The following LINGO2 variants were observed in gnomAD, a reference collection of about 807,000 sequenced individuals.
The protein encoded by LINGO2 is leucine rich repeat and Ig domain containing 2.
A neutral mutation model predicts 30.6 loss-of-function variants in LINGO2; 14 were observed. The observed-to-expected ratio is 0.46, with a 90% confidence interval of 0.30 to 0.72. LINGO2 has a LOEUF of 0.72. LINGO2 is among the 30% of genes least tolerant of loss of function. LINGO2 has a pLI of 0.07. For missense variants in LINGO2, 729 were observed against 751.7 expected (o/e 0.97, Z 0.35); for synonymous variants, 317 against 288.5 (o/e 1.10, Z -1.00).
intron 5 of LINGO2, among the ~76,000 whole-genome samples, chr9:28,009,503 A>G (rs10738788): frequency 0.69 from 105,230 of 151,880 alleles, 37,355 homozygotes; most frequent in Admixed American, 0.8. Context: ...AAGACTATAT[A>G]TAGAACTTTT....
chr9:28,609,941 T>C (rs1825847031), intron 1 of LINGO2, among the ~76,000 whole-genome samples: 1 of 152,154 alleles, frequency 6.6e-6, no homozygotes. Context: ...CTACTTGTCA[T>C]TGAAAGACAT....
At chr9:29,120,953 A>C in the LINGO2 span, among the ~76,000 whole-genome samples, 1 of 152,290 alleles carries the variant, frequency 6.6e-6, no homozygotes, top group African/African-American at 2.4e-5. Context: ...AATATAACTA[A>C]ATCTTGACTA....
intron 2 of LINGO2, among the ~76,000 whole-genome samples, chr9:28,380,989 C>T (rs1330383364): frequency 3.3e-5 from 5 of 152,022 alleles, no homozygotes; most frequent in Admixed American, 6.6e-5. Context: ...AGGTCAGGAG[C>T]TTCCTCTACA....
intron 4 of LINGO2, among the ~76,000 whole-genome samples, chr9:28,037,968 G>A (rs1243910407): frequency 6.6e-6 from 1 of 152,174 alleles, no homozygotes; most frequent in Non-Finnish European, 1.5e-5. Flanking sequence ...GGCATAAAGA[G>A]GTTAAGTAAT....
intron 1 of LINGO2, among the ~76,000 whole-genome samples, chr9:28,660,988 T>C (rs917631874): frequency 6.6e-6 from 1 of 151,996 alleles, no homozygotes; most frequent in South Asian, 2.1e-4. Context: ...CTCTGCCAGG[T>C]AGTTAAATGT....
At chr9:28,001,994 G>A (rs530295400) in intron 5 of LINGO2, among the ~76,000 whole-genome samples, 1 of 152,330 alleles carries the variant, frequency 6.6e-6, no homozygotes, top group South Asian at 2.1e-4. Flanking sequence ...TGACAATCAA[G>A]TTCATAAAAG....
intron 4 of LINGO2, among the ~76,000 whole-genome samples, chr9:28,134,635 A>C (rs983842367): frequency 6.6e-6 from 1 of 152,208 alleles, no homozygotes; most frequent in Non-Finnish European, 1.5e-5. Context: ...TGAAATGTGA[A>C]AGTTAAAGCT....
rs1839962 is a variant in LINGO2, at chr9:28,148,026, A to G, written c.-86-135621T>C. ...AGCATATTTTGTTCCTGGTTCCGCC[A>G]CAGGTCCTGGCCATGCCATTGGCAA... On this transcript the variant is annotated intron_variant, in intron 4 of 5. Transcript: ENST00000379992. The surrounding 1 kb of genome is among the most constrained non-coding windows in gnomAD (Gnocchi z 5.1). Among the ~76,000 whole-genome samples, 151,007 of 152,258 alleles carry G rather than the reference A, an allele frequency of 0.99. 74,901 individuals are homozygous for G. Among genetic ancestry groups the G allele is most frequent in the Middle Eastern group, 1 (294 of 294 alleles).
intron 4 of LINGO2, among the ~76,000 whole-genome samples, chr9:28,182,715 T>C (rs909886605): frequency 3.9e-5 from 6 of 152,200 alleles, no homozygotes; most frequent in Admixed American, 3.9e-4. Context: ...AAGCTCAACA[T>C]TGCTGGTCAT....
chr9:28,905,278 C>CAAAAAAAAAAAAA, the LINGO2 span, among the ~76,000 whole-genome samples: 1 of 131,004 alleles, frequency 7.6e-6, no homozygotes, highest in Non-Finnish European at 1.6e-5. Flanking sequence ...ACAACAAAAG[C>CAAAAAAAAAAAAA]AAAAAAAAAA....
intron 4 of LINGO2, among the ~76,000 whole-genome samples, chr9:28,197,506 T>C (rs1324264557): frequency 6.6e-6 from 1 of 151,942 alleles, no homozygotes; most frequent in East Asian, 1.9e-4. Flanking sequence ...TAATAGTCAT[T>C]AGTAATTGGG....
the LINGO2 span, among the ~76,000 whole-genome samples, chr9:28,887,206 G>A: frequency 2.0e-5 from 3 of 152,124 alleles, no homozygotes; most frequent in Admixed American, 6.6e-5. Context: ...CAATAGAGAT[G>A]TCTGCTGAGT....
the LINGO2 span, among the ~76,000 whole-genome samples, chr9:28,960,065 G>C: frequency 6.6e-6 from 1 of 152,102 alleles, no homozygotes; most frequent in African/African-American, 2.4e-5. Context: ...AGACTCAAAA[G>C]TAACAAATGT....
At chr9:28,391,787 T>C (rs1821844778) in intron 2 of LINGO2, among the ~76,000 whole-genome samples, 1 of 152,212 alleles carries the variant, frequency 6.6e-6, no homozygotes, top group South Asian at 2.1e-4. Context: ...ATACCTAATT[T>C]ATTTATACAA....
chr9:28,464,712 T>C (rs559712596), intron 2 of LINGO2, among the ~76,000 whole-genome samples: 1 of 152,342 alleles, frequency 6.6e-6, no homozygotes, highest in South Asian at 2.1e-4. Context: ...ATCGGCTTTT[T>C]ATTTTAGAGT....
intron 3 of LINGO2, among the ~76,000 whole-genome samples, chr9:28,315,829 A>C (rs1433850691): frequency 6.6e-6 from 1 of 152,238 alleles, no homozygotes; most frequent in Non-Finnish European, 1.5e-5. Flanking sequence ...AAAACTATGA[A>C]TATGACATTC....
At chr9:28,892,536 A>C in the LINGO2 span, among the ~76,000 whole-genome samples, 14 of 151,966 alleles carry the variant, frequency 9.2e-5, no homozygotes, top group Non-Finnish European at 1.8e-4. Flanking sequence ...ACCAACAAAA[A>C]CTATATACAC....
chr9:28,182,858 G>A (rs1399530003), intron 4 of LINGO2, among the ~76,000 whole-genome samples: 1 of 152,194 alleles, frequency 6.6e-6, no homozygotes, highest in Non-Finnish European at 1.5e-5. Flanking sequence ...CACTGTTGGT[G>A]GGAGTGTAAA....
At chr9:28,779,134 T>C in the LINGO2 span, among the ~76,000 whole-genome samples, 1 of 152,198 alleles carries the variant, frequency 6.6e-6, no homozygotes, top group South Asian at 2.1e-4. Context: ...CAAAGATAAA[T>C]AAATGCATGC....
Sources: allele counts gnomAD v4.1 joint callset (sites outside exome capture counted in the v4.1 genomes callset), GRCh38; gene constraint gnomAD v4.1.1; non-coding constraint Gnocchi (gnomAD v3.1); transcripts MANE v1.5; gene names NCBI Gene and HGNC (gene_info 2026-07-23, HGNC 2026-07-21).